EED: variants seen among roughly 807,000 people sequenced by gnomAD.
The protein encoded by EED is polycomb protein EED.
A neutral mutation model predicts 61.0 loss-of-function variants in EED; 9 were observed. The ratio of observed to expected loss-of-function variants is 0.15; its 90% confidence interval spans 0.09 to 0.26. EED has a LOEUF of 0.26. Among genes scored for constraint, EED ranks in the 10% least tolerant of loss-of-function variants. The pLI is 1.00. For synonymous variants in EED, 187 were observed against 174.4 expected (o/e 1.07, Z -0.57); for missense variants, 315 against 542.3 (o/e 0.58, Z 4.16).
intron 8 of EED, among the ~76,000 whole-genome samples, 177 bp downstream of exon 8, chr11:86,266,393 T>A (rs979954628): frequency 6.6e-6 from 1 of 152,096 alleles, no homozygotes; most frequent in Non-Finnish European, 1.5e-5. Flanking sequence ...TTATTTGCAG[T>A]GTTTGTGGCT....
chr11:86,250,831 G>A (rs7931526), intron 2 of EED, among the ~76,000 whole-genome samples: 449 of 152,152 alleles, frequency 3.0e-3, no homozygotes, highest in African/African-American at 0.01. Flanking sequence ...CTTTGACTAA[G>A]TATAAATTGA....
chr11:86,266,824 C>A (rs1378389916), intron 8 of EED, among the ~76,000 whole-genome samples: 1 of 152,132 alleles, frequency 6.6e-6, no homozygotes, highest in African/African-American at 2.4e-5. Context: ...TCTTATCAGG[C>A]TGTCATTAAC....
At chr11:86,245,384 A>C in intron 1 of EED, 41 bp downstream of exon 1, 1 of 1,517,792 alleles carries the variant, frequency 6.6e-7, no homozygotes, top group Non-Finnish European at 9.0e-7. Flanking sequence ...GCGGAGTGAA[A>C]GTTTTAAATT....
intron 2 of EED, among the ~76,000 whole-genome samples, chr11:86,250,746 T>G (rs1202745902): frequency 2.0e-5 from 3 of 152,182 alleles, no homozygotes; most frequent in African/African-American, 7.2e-5. Context: ...TTACTCTTTA[T>G]ATTTTAGTAA....
chr11:86,255,122 T>C, intron 3 of EED, 100 bp from the exon 4 acceptor site: 1 of 886,990 alleles, frequency 1.1e-6, no homozygotes. Context: ...GTTTCTGTAG[T>C]ATATTTAAGA....
downstream of EED, among the ~76,000 whole-genome samples, chr11:86,282,177 A>G (rs1420563881): frequency 6.6e-6 from 1 of 152,272 alleles, no homozygotes; most frequent in African/African-American, 2.4e-5. Flanking sequence ...TTTAAACAAA[A>G]TATCAATACC....
intron 1 of EED, among the ~76,000 whole-genome samples, chr11:86,246,236 A>G (rs1238567289): frequency 6.6e-6 from 1 of 152,226 alleles, no homozygotes; most frequent in Admixed American, 6.5e-5. Context: ...TTCATGTTTT[A>G]GGTTGATAAC....
chr11:86,246,151 G>A lies in EED; in HGVS notation c.114+808G>A, dbSNP rs956153948. 2.6e-5 allele frequency among the ~76,000 whole-genome samples: 4 copies of A among 152,288 alleles called. No individual in the cohort carries two copies. In the East Asian group the frequency reaches 7.7e-4, roughly 29 times the overall value. On this transcript the variant is annotated intron_variant, in intron 1 of 11. Transcript: ENST00000263360. ...TGAAATGGGTATTCGTAATCATTCGGTACCAACATTTAACCCAACTGAGTT... is the reference window on the plus strand; with the variant it reads ...TGAAATGGGTATTCGTAATCATTCGATACCAACATTTAACCCAACTGAGTT...
downstream of EED, among the ~76,000 whole-genome samples, chr11:86,282,212 T>C (rs1946332701): frequency 6.6e-6 from 1 of 152,216 alleles, no homozygotes; most frequent in Admixed American, 6.5e-5. Flanking sequence ...AAAAGTAATT[T>C]CTAAATTATA....
intron 1 of EED, among the ~76,000 whole-genome samples, chr11:86,248,389 C>A (rs1945442818): frequency 6.6e-6 from 1 of 152,152 alleles, no homozygotes; most frequent in Non-Finnish European, 1.5e-5. Flanking sequence ...ATTGGCAGCT[C>A]AGTGTTTAGC....
At chr11:86,277,771 G>C in intron 10 of EED, 147 bp from the exon 11 acceptor site, 3 of 564,426 alleles carry the variant, frequency 5.3e-6, no homozygotes, top group Non-Finnish European at 8.3e-6. Context: ...TTACGAATCA[G>C]GAGTATAAGA....
chr11:86,260,377 C>T (rs942086916), intron 6 of EED, among the ~76,000 whole-genome samples: 1 of 143,676 alleles, frequency 7.0e-6, no homozygotes, highest in African/African-American at 2.6e-5. Flanking sequence ...CATGTGCACA[C>T]CACCATGCCT....
At chr11:86,286,971 CAA>C in the EED span, among the ~76,000 whole-genome samples, 13 of 68,342 alleles carry the variant, frequency 1.9e-4, no homozygotes, top group African/African-American at 3.4e-4. Flanking sequence ...GACTCCGTCT[CAA>C]AAAAAAAAAA....
Position 86,276,989 on chromosome 11 carries a change from A to G in EED, c.976A>G (p.Asn326Asp). 6.6e-7 allele frequency: 1 copy of G among 1,515,174 alleles called. No individual in the cohort carries two copies. Among genetic ancestry groups the G allele is most frequent in the South Asian group, 1.3e-5 (1 of 75,422 alleles). 93.9% of individuals were successfully genotyped at this position (1,515,174 alleles called of 1,614,324 possible). ...TCTCTCTCTGTTTTAGTCTTGTGAAAATGCCATTGTGTGCTGGAAACCTGG... is the reference window on the plus strand; with the variant it reads ...TCTCTCTCTGTTTTAGTCTTGTGAAGATGCCATTGTGTGCTGGAAACCTGG... ...GDLILSKSCE[N>D]AIVCWKPGKM... Residue 326 changes from asparagine (N) to aspartate (D), a missense_variant, in exon 10 of 12, where the codon AAT (asparagine) becomes GAT (aspartate). Physicochemically the swap from Asn to Asp is conservative, Grantham distance 23 (BLOSUM62 1). Around this residue, in one of 2 missense-constraint regions of EED, gnomAD observed 205 missense variants for 455.4 expected, o/e 0.45. Coordinates refer to ENST00000263360, the MANE Select transcript of EED (RefSeq NM_003797.5).
chr11:86,258,959 T>C (rs774095337), intron 6 of EED, among the ~76,000 whole-genome samples: 1 of 151,392 alleles, frequency 6.6e-6, no homozygotes, highest in Non-Finnish European at 1.5e-5. Flanking sequence ...CTCTGCCTCC[T>C]GGGTTCAGGT....
At chr11:86,253,114 T>C (rs570140002) in intron 3 of EED, among the ~76,000 whole-genome samples, 2 of 152,356 alleles carry the variant, frequency 1.3e-5, no homozygotes, top group Admixed American at 6.5e-5. Flanking sequence ...GGTCAATTCA[T>C]TGAAACTCTA....
chr11:86,245,111 G>A lies in EED; in HGVS notation c.-119G>A, dbSNP rs527999615. The stretch of plus-strand genomic sequence containing the variant: ...GGCGCGATTTGCGACAGTGGGGGGG[G>A]CGGTGGAGGTGGCGGCGGCAGCGGC... On this transcript the variant is annotated 5_prime_UTR_variant, in exon 1 of 12. Transcript: ENST00000263360. 1.4e-6 allele frequency: 1 copy of A among 698,292 alleles called. No individual in the cohort carries two copies. The highest frequency in any genetic ancestry group is 3.2e-5 in the East Asian group (1 of 31,728). 43.3% of individuals were successfully genotyped at this position (698,292 alleles called of 1,614,324 possible).
At chr11:86,248,333 A>G (rs1402802483) in intron 1 of EED, among the ~76,000 whole-genome samples, 1 of 152,220 alleles carries the variant, frequency 6.6e-6, no homozygotes, top group Non-Finnish European at 1.5e-5. Context: ...ATCAGAAGTA[A>G]AATAAGCAAC....
chr11:86,266,367 C>A (rs983494761), intron 8 of EED, 151 bp downstream of exon 8: 3 of 605,110 alleles, frequency 5.0e-6, no homozygotes, highest in Admixed American at 3.7e-5. Context: ...TAAAATTCAC[C>A]CCTTTAAGAA....
Sources: gnomAD v4.1 joint callset for allele counts (sites outside exome capture counted in the v4.1 genomes callset) on GRCh38, gnomAD v4.1.1 for gene constraint, gnomAD v4.1.1 regional missense constraint, MANE v1.5 for transcripts, NCBI Gene and HGNC (gene_info 2026-07-23, HGNC 2026-07-21) for gene names.